CSRNP3: variants seen among roughly 807,000 people sequenced by gnomAD.
CSRNP3 encodes the protein cysteine/serine-rich nuclear protein 3.
A neutral mutation model predicts 48.0 loss-of-function variants in CSRNP3; 12 were observed. The observed-to-expected ratio is 0.25, with a 90% CI of 0.16 to 0.41. The LOEUF (loss-of-function observed/expected upper bound fraction) is 0.41, where lower values mean the gene tolerates loss of function less well. Among genes scored for constraint, CSRNP3 ranks in the 10% least tolerant of loss-of-function variants. The probability of loss-of-function intolerance (pLI) is 1.00; values close to 1 mark genes in which losing one functional copy is unlikely to be tolerated. For synonymous variants in CSRNP3, 263 were observed against 269.7 expected (o/e 0.98, Z 0.24); for missense variants, 580 against 724.4 (o/e 0.80, Z 2.29).
chr2:165,486,269 T>G (rs1280936235), intron 1 of CSRNP3, among the ~76,000 whole-genome samples: 1 of 152,132 alleles, frequency 6.6e-6, no homozygotes, highest in Non-Finnish European at 1.5e-5. Flanking sequence ...CGAGACTATA[T>G]CCCACACCTG....
intron 4 of CSRNP3, among the ~76,000 whole-genome samples, chr2:165,617,777 C>T (rs10930174): frequency 0.53 from 80,848 of 152,074 alleles, 21,970 homozygotes; most frequent in Admixed American, 0.61. Flanking sequence ...CATTCTTCAG[C>T]TCCCTATGTC....
chr2:165,632,298 G>C (rs1272590467), intron 4 of CSRNP3, among the ~76,000 whole-genome samples: 1 of 152,130 alleles, frequency 6.6e-6, no homozygotes, highest in East Asian at 1.9e-4. Context: ...GAGGCAGGAG[G>C]ATTGCTTGAG....
intron 4 of CSRNP3, among the ~76,000 whole-genome samples, chr2:165,605,208 C>G (rs1017289170): frequency 6.6e-6 from 1 of 152,070 alleles, no homozygotes; most frequent in South Asian, 2.1e-4. Context: ...TACTCCCTTC[C>G]TATGCTTGAG....
At chr2:165,524,710 C>T (rs1684710184) in intron 3 of CSRNP3, among the ~76,000 whole-genome samples, 1 of 152,092 alleles carries the variant, frequency 6.6e-6, no homozygotes. Context: ...TAATCTTTAC[C>T]ATCTGACCTC....
intron 3 of CSRNP3, among the ~76,000 whole-genome samples, chr2:165,580,011 C>T (rs1685516141): frequency 6.6e-6 from 1 of 150,448 alleles, no homozygotes; most frequent in East Asian, 2.0e-4. Context: ...TCACCGCAAG[C>T]TCCACCTCCC....
chr2:165,557,404 C>T (rs2105264512), intron 3 of CSRNP3, among the ~76,000 whole-genome samples: 1 of 152,210 alleles, frequency 6.6e-6, no homozygotes, highest in East Asian at 1.9e-4. Context: ...CTTGTTGACT[C>T]CTGGTTTATA....
At chr2:165,618,927 A>G (rs1200232544) in intron 4 of CSRNP3, among the ~76,000 whole-genome samples, 1 of 152,196 alleles carries the variant, frequency 6.6e-6, no homozygotes, top group Non-Finnish European at 1.5e-5. Context: ...CTGTTCAAAC[A>G]TTCGGTAACA....
chr2:165,600,040 G>A (rs1167710624), intron 4 of CSRNP3, among the ~76,000 whole-genome samples: 4 of 146,656 alleles, frequency 2.7e-5, no homozygotes, highest in Non-Finnish European at 4.5e-5. Flanking sequence ...CCATTAACTC[G>A]TCATTTAGCA....
intron 4 of CSRNP3, among the ~76,000 whole-genome samples, chr2:165,648,953 C>G (rs1006028491): frequency 3.9e-5 from 6 of 152,130 alleles, no homozygotes; most frequent in Non-Finnish European, 8.8e-5. Flanking sequence ...TTACAGAGAG[C>G]TGAACAGCCT....
At chr2:165,603,138 G>A (rs375274330) in intron 4 of CSRNP3, among the ~76,000 whole-genome samples, 7 of 151,804 alleles carry the variant, frequency 4.6e-5, no homozygotes, top group Admixed American at 2.6e-4. Flanking sequence ...CTCATGATCC[G>A]CCCGCCTCGG....
intron 6 of CSRNP3, 31 bp downstream of exon 6, chr2:165,676,639 A>G (rs1006644664): frequency 1.3e-6 from 2 of 1,596,906 alleles, no homozygotes; most frequent in African/African-American, 2.7e-5. Flanking sequence ...GCATCCAAAG[A>G]CAAGACATTG....
At chr2:165,677,461 C>T (rs976429406) in intron 6 of CSRNP3, among the ~76,000 whole-genome samples, 3 of 151,988 alleles carry the variant, frequency 2.0e-5, no homozygotes, top group Admixed American at 2.0e-4. Flanking sequence ...TGATTAGTGT[C>T]ACTATTTTAT....
chr2:165,615,266 G>A (rs969087833), intron 4 of CSRNP3, among the ~76,000 whole-genome samples: 2 of 152,060 alleles, frequency 1.3e-5, no homozygotes, highest in African/African-American at 4.8e-5. Context: ...ATCCTTTGCC[G>A]GGTGTGGTGG....
chr2:165,642,587 G>C (rs556591011), intron 4 of CSRNP3, among the ~76,000 whole-genome samples: 4 of 143,258 alleles, frequency 2.8e-5, no homozygotes, highest in Admixed American at 7.0e-5. Context: ...TTGAGATTTA[G>C]TTTTGCTCTT....
intron 4 of CSRNP3, among the ~76,000 whole-genome samples, chr2:165,651,051 A>G (rs1553482900): frequency 6.6e-6 from 1 of 152,234 alleles, no homozygotes; most frequent in Non-Finnish European, 1.5e-5. Context: ...GTACTTAAAG[A>G]GGATGACCAG....
intron 3 of CSRNP3, among the ~76,000 whole-genome samples, chr2:165,566,510 G>C (rs1685299945): frequency 6.6e-6 from 1 of 151,696 alleles, no homozygotes; most frequent in Non-Finnish European, 1.5e-5. Flanking sequence ...AATGGAGATA[G>C]TAAAAGTAGC....
chr2:165,541,645 A>G (rs993060453), intron 3 of CSRNP3, among the ~76,000 whole-genome samples: 15 of 152,224 alleles, frequency 9.9e-5, no homozygotes, highest in African/African-American at 3.6e-4. Flanking sequence ...GAGAACACAA[A>G]TCTAAATGCA....
chr2:165,511,466 AG>A (rs1684504966), intron 2 of CSRNP3, among the ~76,000 whole-genome samples: 1 of 152,164 alleles, frequency 6.6e-6, no homozygotes, highest in African/African-American at 2.4e-5. Flanking sequence ...AGTTGGTGAG[AG>A]GAAATGGAAT....
chr2:165,534,500 T>C (rs1684856456), intron 3 of CSRNP3, among the ~76,000 whole-genome samples: 1 of 151,976 alleles, frequency 6.6e-6, no homozygotes, highest in South Asian at 2.1e-4. Flanking sequence ...GAATCTTCCA[T>C]ATGTCTGCAG....
Sources: gnomAD v4.1 joint callset for allele counts (sites outside exome capture counted in the v4.1 genomes callset) on GRCh38, gnomAD v4.1.1 for gene constraint, MANE v1.5 for transcripts, NCBI Gene and HGNC (gene_info 2026-07-23, HGNC 2026-07-21) for gene names.